FHIT: variants seen among roughly 807,000 people sequenced by gnomAD.
FHIT encodes fragile histidine triad diadenosine triphosphatase.
In FHIT, 19 loss-of-function variants were observed where a neutral mutation model predicts 17.9. That is an observed-to-expected ratio of 1.06 (90% CI 0.74 to 1.56). The LOEUF is 1.56. FHIT is among the 40% of genes most tolerant of loss of function. FHIT has a pLI of 0.00. For synonymous variants in FHIT, 81 were observed against 69.7 expected (o/e 1.16, Z -0.81); for missense variants, 248 against 189.2 (o/e 1.31, Z -1.82).
At chr3:60,178,620 A>C (rs1035973856) in intron 5 of FHIT, among the ~76,000 whole-genome samples, 3 of 152,038 alleles carry the variant, frequency 2.0e-5, no homozygotes, top group Non-Finnish European at 2.9e-5. Context: ...AAAAGCACAG[A>C]TATGTCAAGT....
chr3:60,310,417 C>A (rs1708886922), intron 5 of FHIT, among the ~76,000 whole-genome samples: 1 of 152,052 alleles, frequency 6.6e-6, no homozygotes, highest in South Asian at 2.1e-4. Context: ...CAAGAAAAGC[C>A]TAAGGCCAAG....
chr3:60,260,357 A>G (rs1239205783), intron 5 of FHIT, among the ~76,000 whole-genome samples: 1 of 151,916 alleles, frequency 6.6e-6, no homozygotes. Flanking sequence ...AAATTTAAAA[A>G]AAAAAAAAAG....
At chr3:61,050,723 G>A (rs1280582823) in intron 2 of FHIT, among the ~76,000 whole-genome samples, 5 of 152,158 alleles carry the variant, frequency 3.3e-5, no homozygotes, top group African/African-American at 7.2e-5. Context: ...GATGATGCAC[G>A]CATGGGTGTT....
intron 5 of FHIT, among the ~76,000 whole-genome samples, chr3:60,035,677 T>C (rs1474706815): frequency 2.6e-5 from 4 of 152,204 alleles, no homozygotes; most frequent in African/African-American, 7.2e-5. Context: ...TTTTCACCAT[T>C]AGCCCAAAGT....
In FHIT at chr3:60,292,327, T is replaced by C. The variant is rs771206989; in HGVS notation, c.103+244533A>G. Among the ~76,000 whole-genome samples, 14 of 152,172 alleles carry C rather than the reference T, an allele frequency of 9.2e-5. 1 individual carries two copies. Among genetic ancestry groups the C allele is most frequent in the Non-Finnish European group, 1.9e-4 (13 of 68,032 alleles). On this transcript the variant is annotated intron_variant, in intron 5 of 9. Transcript: ENST00000492590. Reference sequence around the variant, plus strand: ...ATAAACCAAGACCTATATTATACTGTAGTCGGATATCATCTCAGGATTAGC... The same window carrying C: ...ATAAACCAAGACCTATATTATACTGCAGTCGGATATCATCTCAGGATTAGC...
At chr3:60,761,951 T>G (rs1553720090) in intron 4 of FHIT, among the ~76,000 whole-genome samples, 1 of 151,976 alleles carries the variant, frequency 6.6e-6, no homozygotes, top group African/African-American at 2.4e-5. Flanking sequence ...CCCAGCAAAT[T>G]TATCCTTCCT....
chr3:60,272,156 G>T (rs1435832876), intron 5 of FHIT, among the ~76,000 whole-genome samples: 1 of 152,154 alleles, frequency 6.6e-6, no homozygotes, highest in African/African-American at 2.4e-5. Context: ...ATGCTCTGCG[G>T]GACACAAAAC....
At chr3:61,171,293 T>C (rs1456575283) in intron 2 of FHIT, among the ~76,000 whole-genome samples, 1 of 152,176 alleles carries the variant, frequency 6.6e-6, no homozygotes, top group Non-Finnish European at 1.5e-5. Context: ...CACTTTTTTA[T>C]GGGGTTCATT....
rs112862105 is a variant in FHIT, at chr3:60,099,583, A to T, written c.104-85431T>A. Among the ~76,000 whole-genome samples, 3 of 152,174 alleles carry T rather than the reference A, an allele frequency of 2.0e-5. 1 individual carries two copies. Among genetic ancestry groups the T allele is most frequent in the African/African-American group, 2.4e-5 (1 of 41,532 alleles). On this transcript the variant is annotated intron_variant, in intron 5 of 9. Coordinates refer to ENST00000492590, the MANE Select transcript of FHIT (RefSeq NM_002012.4). ...TTATAATGTAACTGTTTCTCCCCAG[A>T]TCCCTTTCTGAATGCCCCCAATGAG...
chr3:60,595,636 TGTGTGTATA>T (rs1343682865), intron 4 of FHIT, among the ~76,000 whole-genome samples: 1 of 150,900 alleles, frequency 6.6e-6, no homozygotes, highest in Non-Finnish European at 1.5e-5. Context: ...TATGTGTGTG[TGTGTGTATA>T]GTGTGTGTAT....
At chr3:60,348,355 T>C (rs1710903240) in intron 5 of FHIT, among the ~76,000 whole-genome samples, 1 of 152,026 alleles carries the variant, frequency 6.6e-6, no homozygotes. Context: ...TGTTCAATAA[T>C]GTTGAAATCT....
chr3:61,039,687 A>G, intron 3 of FHIT, among the ~76,000 whole-genome samples: 1 of 152,108 alleles, frequency 6.6e-6, no homozygotes, highest in Non-Finnish European at 1.5e-5. Context: ...GGAACATCAC[A>G]TACCGGGGCC....
intron 2 of FHIT, among the ~76,000 whole-genome samples, chr3:61,139,930 C>T (rs1028947088): frequency 2.0e-5 from 3 of 151,500 alleles, no homozygotes; most frequent in South Asian, 4.2e-4. Flanking sequence ...AAACTGGCAA[C>T]GTTCACTCAC....
At chr3:60,449,767 G>A (rs1266137712) in intron 5 of FHIT, among the ~76,000 whole-genome samples, 1 of 152,036 alleles carries the variant, frequency 6.6e-6, no homozygotes, top group African/African-American at 2.4e-5. Context: ...CACTTTGGGA[G>A]GCCGAGGTGG....
At chr3:60,781,358 C>G (rs534903608) in intron 4 of FHIT, among the ~76,000 whole-genome samples, 121 of 152,154 alleles carry the variant, frequency 8.0e-4, no homozygotes, top group African/African-American at 2.9e-3. Flanking sequence ...TATTTCTGCA[C>G]CAGTCAAGAA....
chr3:60,391,674 G>T (rs1341063279), intron 5 of FHIT, among the ~76,000 whole-genome samples: 1 of 152,160 alleles, frequency 6.6e-6, no homozygotes, highest in African/African-American at 2.4e-5. Flanking sequence ...TGCTGTGCAG[G>T]TATGTATAGC....
At chr3:60,177,237 G>A (rs1701718178) in intron 5 of FHIT, among the ~76,000 whole-genome samples, 1 of 149,424 alleles carries the variant, frequency 6.7e-6, no homozygotes, top group Admixed American at 6.7e-5. Flanking sequence ...GAGAGAGAGG[G>A]TCAGGGAAAT....
intron 5 of FHIT, among the ~76,000 whole-genome samples, chr3:60,064,270 C>T (rs547303579): frequency 1.3e-5 from 2 of 152,054 alleles, no homozygotes; most frequent in African/African-American, 4.8e-5. Context: ...GTTTATAACT[C>T]TTATTTGATG....
At chr3:60,077,739 G>GAA in intron 5 of FHIT, among the ~76,000 whole-genome samples, 1 of 68,380 alleles carries the variant, frequency 1.5e-5, no homozygotes, top group South Asian at 6.0e-4. Context: ...CATATATAGA[G>GAA]GGGGGGGGGA....
Sources: gnomAD v4.1 joint callset for allele counts (sites outside exome capture counted in the v4.1 genomes callset) on GRCh38, gnomAD v4.1.1 for gene constraint, MANE v1.5 for transcripts, NCBI Gene and HGNC (gene_info 2026-07-23, HGNC 2026-07-21) for gene names.